Variants in MAP2K5 observed in about 807,000 individuals in gnomAD.
MAP2K5 encodes dual specificity mitogen-activated protein kinase kinase 5.
MAP2K5 carries 49 observed loss-of-function variants against 83.1 expected under a neutral mutation model. That is an observed-to-expected ratio of 0.59 (90% CI 0.47 to 0.75). The LOEUF (loss-of-function observed/expected upper bound fraction) is 0.75, where lower values mean the gene tolerates loss of function less well. MAP2K5 is among the 30% of genes least tolerant of loss of function. The pLI is 0.00. For missense variants in MAP2K5, 457 were observed against 557.5 expected, an observed-to-expected ratio of 0.82 and a Z score of 1.82; for synonymous variants, 202 against 191.8, an observed-to-expected ratio of 1.05 and a Z score of -0.44.
rs759156509 is a variant in MAP2K5, at chr15:67,783,093, G to T, written c.1242+10341G>T. Among the ~76,000 whole-genome samples, 9 of 152,258 alleles carry T rather than the reference G, an allele frequency of 5.9e-5. No homozygotes were observed. The highest frequency in any genetic ancestry group is 8.8e-5 in the Non-Finnish European group (6 of 68,044). ...TTGTGAGACATGGAGAGAAGCCGATGTGGGAATCACAGATGTGCATTTCAG... is the reference window on the plus strand; with the variant it reads ...TTGTGAGACATGGAGAGAAGCCGATTTGGGAATCACAGATGTGCATTTCAG... On this transcript the variant is annotated intron_variant, in intron 21 of 21. Transcript: ENST00000178640. The surrounding 1 kb of genome is among the most constrained non-coding windows in gnomAD (Gnocchi z 5.1).
chr15:67,757,663 A>G lies in MAP2K5; in HGVS notation c.1134+9062A>G, dbSNP rs1032107637. Among the ~76,000 whole-genome samples the G allele has an allele frequency of 6.6e-6, 1 of 152,128 alleles. No individual in the cohort carries two copies. The highest frequency in any genetic ancestry group is 1.5e-5 in the Non-Finnish European group (1 of 68,024). ...CCTAGTCAGGGAGGCAGACAAGTAA[A>G]CAGTCATATATGCAGATCACTAAAC... On this transcript the variant is annotated intron_variant, in intron 19 of 21. Coordinates refer to ENST00000178640, the MANE Select transcript of MAP2K5 (RefSeq NM_145160.3). This position sits in a 1 kb window ranked among gnomAD's most constrained non-coding sequence, Gnocchi z 4.9.
rs2090080971 is a variant in MAP2K5 at position 67,768,373 on chromosome 15, C to G, written c.1135-1229C>G. Among the ~76,000 whole-genome samples the G allele has an allele frequency of 6.6e-6, 1 of 152,142 alleles. No individual in the cohort carries two copies. Among genetic ancestry groups the G allele is most frequent in the Non-Finnish European group, 1.5e-5 (1 of 68,032 alleles). Reference sequence around the variant, plus strand: ...TTTTTCCACTACATCAAAGCTATTTCCTCTCGTTCTCAATAATGAATACAT... The same window carrying G: ...TTTTTCCACTACATCAAAGCTATTTGCTCTCGTTCTCAATAATGAATACAT... On this transcript the variant is annotated intron_variant, in intron 19 of 21. Coordinates refer to ENST00000178640, the MANE Select transcript of MAP2K5 (RefSeq NM_145160.3). The surrounding 1 kb of genome is among the most constrained non-coding windows in gnomAD (Gnocchi z 4.0).
At position 67,708,795 on chromosome 15, in the gene MAP2K5, G is replaced by T. The variant is rs912269841; in HGVS notation, c.1044+5387G>T. 6.6e-6 allele frequency among the ~76,000 whole-genome samples: 1 copy of T among 151,902 alleles called. No individual in the cohort carries two copies. Among genetic ancestry groups the T allele is most frequent in the South Asian group, 2.1e-4 (1 of 4,830 alleles). The stretch of plus-strand genomic sequence containing the variant: ...AGATGATGCTACATGCTGCTAAAAT[G>T]TGCCATTAAAAAAAAAAACTCACTG... On this transcript the variant is annotated intron_variant, in intron 16 of 21. Coordinates refer to ENST00000178640, the MANE Select transcript of MAP2K5 (RefSeq NM_145160.3). This position sits in a 1 kb window ranked among gnomAD's most constrained non-coding sequence, Gnocchi z 4.9.
Position 67,762,978 on chromosome 15 carries a change from T to A in MAP2K5, c.1135-6624T>A, listed in dbSNP as rs568296920. ...AACGTCACACCAAAATGCCCACACA[T>A]GTAATTTGTCACGCCTGGCAGCCCA... is the stretch of plus-strand genomic sequence containing the variant. On this transcript the variant is annotated intron_variant, in intron 19 of 21. Transcript: ENST00000178640. 2.0e-5 allele frequency among the ~76,000 whole-genome samples: 3 copies of A among 152,264 alleles called. No individual in the cohort carries two copies. In the East Asian group the frequency reaches 5.8e-4, roughly 29 times the overall value.
At chr15:67,681,370 T>A (rs1356948990) in intron 13 of MAP2K5, among the ~76,000 whole-genome samples, 1 of 152,194 alleles carries the variant, frequency 6.6e-6, no homozygotes, top group East Asian at 1.9e-4. Context: ...CACACGTACA[T>A]GTATGCTCAG....
At chr15:67,658,510 T>G (rs1455131265) in intron 11 of MAP2K5, 43 bp from the exon 12 acceptor site, 7 of 1,469,910 alleles carry the variant, frequency 4.8e-6, no homozygotes, top group Non-Finnish European at 6.7e-6. Context: ...TGCATTGTTC[T>G]GGTAATTTCA....
chr15:67,694,166 A>G (rs888534108), intron 15 of MAP2K5, among the ~76,000 whole-genome samples: 3 of 152,128 alleles, frequency 2.0e-5, no homozygotes, highest in African/African-American at 4.8e-5. Flanking sequence ...ACCAGTGCAG[A>G]CTTGGCTTTT....
At chr15:67,649,526 T>C (rs1158375246) in intron 11 of MAP2K5, among the ~76,000 whole-genome samples, 1 of 152,128 alleles carries the variant, frequency 6.6e-6, no homozygotes, top group Non-Finnish European at 1.5e-5. Flanking sequence ...GAGATAGGGG[T>C]CCAAATTTAT....
chr15:67,718,876 A>C (rs532946863), intron 16 of MAP2K5, among the ~76,000 whole-genome samples: 7 of 152,292 alleles, frequency 4.6e-5, no homozygotes, highest in African/African-American at 1.7e-4. Context: ...TGGGGTATTC[A>C]CCTCAAGCAT....
In MAP2K5 at chr15:67,736,806, C is replaced by A. The variant is rs1223467493; in HGVS notation, c.1074+8861C>A. 6.6e-6 allele frequency among the ~76,000 whole-genome samples: 1 copy of A among 152,200 alleles called. No homozygotes were observed. The highest frequency in any genetic ancestry group is 1.5e-5 in the Non-Finnish European group (1 of 68,046). ...GTGGCAGCTTTGCTATTATCTCTCCCTCTTAAGCTCTGCGGTCCACTAGGC... is the reference window on the plus strand; with the variant it reads ...GTGGCAGCTTTGCTATTATCTCTCCATCTTAAGCTCTGCGGTCCACTAGGC... On this transcript the variant is annotated intron_variant, in intron 17 of 21. Transcript: ENST00000178640. This position sits in a 1 kb window ranked among gnomAD's most constrained non-coding sequence, Gnocchi z 4.3.
intron 17 of MAP2K5, among the ~76,000 whole-genome samples, chr15:67,731,874 G>A (rs913079624): frequency 6.6e-6 from 1 of 152,066 alleles, no homozygotes; most frequent in Non-Finnish European, 1.5e-5. Flanking sequence ...CTGCCCTAGG[G>A]AGGCCTCTTG....
At chr15:67,633,756 A>G (rs1219311512) in intron 9 of MAP2K5, among the ~76,000 whole-genome samples, 3 of 152,356 alleles carry the variant, frequency 2.0e-5, no homozygotes, top group East Asian at 3.9e-4. Flanking sequence ...AAGAGCAGAT[A>G]TGATTATTGT....
At chr15:67,797,957 A>G (rs1371853803) in intron 21 of MAP2K5, among the ~76,000 whole-genome samples, 1 of 152,216 alleles carries the variant, frequency 6.6e-6, no homozygotes, top group Admixed American at 6.5e-5. Flanking sequence ...TGCTGGGATT[A>G]CAGGCATGAG....
chr15:67,677,557 T>C lies in MAP2K5; in HGVS notation c.847+12912T>C, dbSNP rs560745265. On this transcript the variant is annotated intron_variant, in intron 13 of 21. Coordinates refer to ENST00000178640, the MANE Select transcript of MAP2K5 (RefSeq NM_145160.3). This position sits in a 1 kb window ranked among gnomAD's most constrained non-coding sequence, Gnocchi z 4.2. ...TTACATCTTATTTATGCATATAATGTGGTATTCCTTTGTTTTCTTTCCTTT... is the reference window on the plus strand; with the variant it reads ...TTACATCTTATTTATGCATATAATGCGGTATTCCTTTGTTTTCTTTCCTTT... 3.9e-5 allele frequency among the ~76,000 whole-genome samples: 6 copies of C among 152,354 alleles called. No individual in the cohort carries two copies. The highest frequency in any genetic ancestry group is 2.1e-4 in the South Asian group (1 of 4,830).
intron 17 of MAP2K5, among the ~76,000 whole-genome samples, chr15:67,730,651 C>T (rs1012711258): frequency 6.6e-6 from 1 of 152,206 alleles, no homozygotes; most frequent in African/African-American, 2.4e-5. Flanking sequence ...AAGTGTCACT[C>T]ACTAGTCTGA....
At chr15:67,635,212 G>A (rs1319126196) in intron 9 of MAP2K5, among the ~76,000 whole-genome samples, 4 of 139,474 alleles carry the variant, frequency 2.9e-5, no homozygotes, top group Non-Finnish European at 6.1e-5. Context: ...TTGAGACAGA[G>A]TCTCGCTCTG....
intron 12 of MAP2K5, among the ~76,000 whole-genome samples, chr15:67,660,282 G>GTT (rs149974133): frequency 1.3e-4 from 19 of 150,632 alleles, no homozygotes; most frequent in South Asian, 4.2e-4. Context: ...CCAAAATGTA[G>GTT]TGTTTTTTTT....
At position 67,750,445 on chromosome 15, in the gene MAP2K5, G is replaced by T. The variant is rs1350149826; in HGVS notation, c.1134+1844G>T. On this transcript the variant is annotated intron_variant, in intron 19 of 21. Transcript: ENST00000178640. The surrounding 1 kb of genome is among the most constrained non-coding windows in gnomAD (Gnocchi z 4.2). ...ATAGCATCTCGGAAAGGAAGGATTG[G>T]TGGGGTCCTGTACTTACTGCACTTG... Among the ~76,000 whole-genome samples, 1 of 152,214 alleles carries T rather than the reference G, an allele frequency of 6.6e-6. No individual in the cohort carries two copies. Among genetic ancestry groups the T allele is most frequent in the African/African-American group, 2.4e-5 (1 of 41,454 alleles).
At position 67,750,631 on chromosome 15, in the gene MAP2K5, A is replaced by G. The variant is rs540657773; in HGVS notation, c.1134+2030A>G. On this transcript the variant is annotated intron_variant, in intron 19 of 21. Transcript: ENST00000178640. This position sits in a 1 kb window ranked among gnomAD's most constrained non-coding sequence, Gnocchi z 4.2. ...TTTCTAGGGATCGTGCCTAGAATCT[A>G]CTAGTTTCTCGGGTAACTCTCTGCA... Among the ~76,000 whole-genome samples the G allele has an allele frequency of 1.8e-4, 28 of 152,280 alleles. 1 individual carries two copies. The East Asian group carries it at 4.0e-3, about 22-fold the overall frequency.
Sources: allele counts gnomAD v4.1 joint callset (sites outside exome capture counted in the v4.1 genomes callset), GRCh38; gene constraint gnomAD v4.1.1; non-coding constraint Gnocchi (gnomAD v3.1); transcripts MANE v1.5; gene names NCBI Gene and HGNC (gene_info 2026-07-23, HGNC 2026-07-21).